The following DYNC2I1 variants were observed in gnomAD, a reference collection of about 807,000 sequenced individuals.
The protein encoded by DYNC2I1 is dynein 2 intermediate chain 1.
DYNC2I1 carries 89 observed loss-of-function variants against 133.4 expected under a neutral mutation model. The observed-to-expected ratio is 0.67, with a 90% CI of 0.56 to 0.80. The LOEUF (loss-of-function observed/expected upper bound fraction) is 0.80. DYNC2I1 is among the 30% of genes least tolerant of loss of function. The pLI, the probability that DYNC2I1 is intolerant of heterozygous loss-of-function variation, is 0.00. For synonymous variants in DYNC2I1, 504 were observed against 484.3 expected (o/e 1.04, Z -0.54); for missense variants, 1,291 against 1,314.5 (o/e 0.98, Z 0.28).
intron 12 of DYNC2I1, 143 bp downstream of exon 12, chr7:158,911,822 C>T: frequency 8.8e-7 from 1 of 1,132,070 alleles, no homozygotes; most frequent in Non-Finnish European, 1.2e-6. Context: ...AATGGGGACC[C>T]ATCTTCACAT....
upstream of DYNC2I1, among the ~76,000 whole-genome samples, chr7:158,854,615 C>T (rs1410420650): frequency 2.6e-5 from 4 of 151,962 alleles, no homozygotes; most frequent in Non-Finnish European, 5.9e-5. Flanking sequence ...ACGTTCTGCA[C>T]ATGTACCCCA....
intron 3 of DYNC2I1, among the ~76,000 whole-genome samples, chr7:158,875,046 CTG>C (rs1843225413): frequency 6.7e-6 from 1 of 150,102 alleles, no homozygotes; most frequent in Non-Finnish European, 1.5e-5. Context: ...GGCCCTCCCT[CTG>C]TAACCCAGAC....
intron 2 of DYNC2I1, among the ~76,000 whole-genome samples, chr7:158,870,915 G>C (rs1842819262): frequency 6.6e-6 from 1 of 152,132 alleles, no homozygotes; most frequent in Non-Finnish European, 1.5e-5. Flanking sequence ...TTGGGGCGCT[G>C]GTGGGCAGTT....
In DYNC2I1 at chr7:158,905,992, C is replaced by A. The variant is rs762800938; in HGVS notation, c.1361C>A (p.Thr454Lys). 6.2e-7 allele frequency: 1 copy of A among 1,613,292 alleles called. No individual in the cohort carries two copies. The highest frequency in any genetic ancestry group is 1.3e-5 in the African/African-American group (1 of 74,896). The change falls in exon 11 of 25, where the codon ACA becomes AAA. Residue 454 changes from threonine to lysine, a missense_variant. By Grantham distance (78) the Thr-to-Lys change is moderately conservative. Transcript: ENST00000407559. ...AGTGTTTTTCTCCCTCACACAGATACAAACAGTTCCCCTTCCAGAGCCTCT... is the reference window on the plus strand; with the variant it reads ...AGTGTTTTTCTCCCTCACACAGATAAAAACAGTTCCCCTTCCAGAGCCTCT... Reference protein sequence around the residue: ...TEFEKEPRTDTNSSPSRASVC... With the variant: ...TEFEKEPRTDKNSSPSRASVC...
chr7:158,911,819 A>C, intron 12 of DYNC2I1, 140 bp downstream of exon 12: 3 of 1,139,138 alleles, frequency 2.6e-6, no homozygotes, highest in Non-Finnish European at 3.6e-6. Flanking sequence ...GAAAATGGGG[A>C]CCCATCTTCA....
At chr7:158,955,341 T>A (rs1175348054) in intron 4 of DYNC2I1, among the ~76,000 whole-genome samples, 1 of 152,194 alleles carries the variant, frequency 6.6e-6, no homozygotes, top group Non-Finnish European at 1.5e-5. Context: ...CTGCCGCACC[T>A]CTGCCATCCG....
chr7:158,922,418 C>G lies in DYNC2I1; in HGVS notation c.1963C>G (p.Gln655Glu). The G allele has an allele frequency of 6.2e-7, 1 of 1,613,974 alleles. No individual in the cohort carries two copies. The highest frequency in any genetic ancestry group is 8.5e-7 in the Non-Finnish European group (1 of 1,179,900). The change falls in exon 16 of 25, where the codon CAG becomes GAG. Residue 655 changes from glutamine to glutamate, a missense_variant. Coordinates refer to ENST00000407559, the MANE Select transcript of DYNC2I1 (RefSeq NM_018051.5). ...SSLHTSRVQR[Q>E]MVVSVHDLPE... Reference sequence around the variant, plus strand: ...CTTGCACACCTCCCGAGTTCAGAGGCAGATGGTGGTCTCCGTTCACGACTT... The same window carrying G: ...CTTGCACACCTCCCGAGTTCAGAGGGAGATGGTGGTCTCCGTTCACGACTT...
chr7:158,958,226 G>T (rs1405779244), downstream of DYNC2I1, among the ~76,000 whole-genome samples: 1 of 152,256 alleles, frequency 6.6e-6, no homozygotes, highest in Non-Finnish European at 1.5e-5. Flanking sequence ...TTGCTTATGA[G>T]GTGCACCTTG....
chr7:158,904,675 G>C (rs964859703), intron 10 of DYNC2I1: 2 of 152,512 alleles, frequency 1.3e-5, no homozygotes, highest in African/African-American at 4.8e-5. Flanking sequence ...GCTCATAAAT[G>C]TGGCCTCCTG....
intron 15 of DYNC2I1, 134 bp from the exon 16 acceptor site, chr7:158,922,243 G>A (rs1052118482): frequency 1.3e-5 from 10 of 785,356 alleles, no homozygotes; most frequent in African/African-American, 1.2e-4. Flanking sequence ...TACGTTTCAT[G>A]TATGTTGGTT....
At chr7:158,884,033 CT>C (rs1488925637) in intron 5 of DYNC2I1, among the ~76,000 whole-genome samples, 1 of 147,818 alleles carries the variant, frequency 6.8e-6, no homozygotes, top group East Asian at 2.0e-4. Flanking sequence ...CACCTTTATC[CT>C]TTTAAAAAAC....
intron 6 of DYNC2I1, among the ~76,000 whole-genome samples, chr7:158,885,343 CTCT>C (rs2129480205): frequency 6.8e-6 from 1 of 147,168 alleles, no homozygotes; most frequent in African/African-American, 2.6e-5. Context: ...TATGTATAAA[CTCT>C]TTTTTTTTTT....
At chr7:158,889,645 A>G (rs1290011197) in intron 7 of DYNC2I1, among the ~76,000 whole-genome samples, 1 of 152,024 alleles carries the variant, frequency 6.6e-6, no homozygotes, top group African/African-American at 2.4e-5. Context: ...AATAGGCCAG[A>G]TGTTCGAGAC....
intron 2 of DYNC2I1, among the ~76,000 whole-genome samples, chr7:158,870,137 C>T (rs1207500742): frequency 6.6e-6 from 1 of 152,160 alleles, no homozygotes; most frequent in Non-Finnish European, 1.5e-5. Flanking sequence ...TCAGGGGCCT[C>T]CGCACTGCTT....
intron 13 of DYNC2I1, 138 bp from the exon 14 acceptor site, chr7:158,914,095 T>C: frequency 1.6e-6 from 1 of 624,124 alleles, no homozygotes. Flanking sequence ...ATCTAGAGAG[T>C]ATAGCTTGAA....
At chr7:158,855,786 T>G (rs1256111252), upstream of DYNC2I1, among the ~76,000 whole-genome samples, 1 of 152,116 alleles carries the variant, frequency 6.6e-6, no homozygotes, top group Non-Finnish European at 1.5e-5. Flanking sequence ...AGTTCGGAGG[T>G]CCTGAGAGTT....
At chr7:158,918,680 T>G in intron 14 of DYNC2I1, 60 bp from the exon 15 acceptor site, 1 of 1,587,402 alleles carries the variant, frequency 6.3e-7, no homozygotes, top group Non-Finnish European at 8.6e-7. Flanking sequence ...GTAATTTTTT[T>G]TTGGAAAAGA....
intron 4 of DYNC2I1, among the ~76,000 whole-genome samples, 196 bp downstream of exon 4, chr7:158,876,887 T>C (rs1391185224): frequency 6.6e-6 from 1 of 152,206 alleles, no homozygotes; most frequent in East Asian, 1.9e-4. Flanking sequence ...AAAGGTAGTA[T>C]GTGATGATAT....
intron 1 of DYNC2I1, among the ~76,000 whole-genome samples, chr7:158,858,465 A>T (rs2709860): frequency 0.48 from 72,607 of 152,008 alleles, 18,896 homozygotes; most frequent in East Asian, 0.72. Context: ...TACCACAATG[A>T]AGTTTGCTTA....
Sources: gnomAD v4.1 joint callset for allele counts (sites outside exome capture counted in the v4.1 genomes callset) on GRCh38, gnomAD v4.1.1 for gene constraint, MANE v1.5 for transcripts, NCBI Gene and HGNC (gene_info 2026-07-23, HGNC 2026-07-21) for gene names.